TBC1D9: variants seen among roughly 807,000 people sequenced by gnomAD.
TBC1D9 encodes the protein TBC1 domain family member 9A.
TBC1D9 carries 63 observed loss-of-function variants against 132.0 expected under a neutral mutation model. The ratio of observed to expected loss-of-function variants is 0.48; its 90% CI spans 0.39 to 0.59. The LOEUF is 0.59. Ranked by LOEUF, TBC1D9 falls within the 20% of genes least tolerant of loss-of-function variation. The pLI is 0.00. For synonymous variants in TBC1D9, 610 were observed against 609.9 expected (o/e 1.00, Z 0.00); for missense variants, 1,261 against 1,592.7 (o/e 0.79, Z 3.54).
chr4:140,709,805 CA>C (rs1738210364), intron 1 of TBC1D9, among the ~76,000 whole-genome samples: 1 of 152,182 alleles, frequency 6.6e-6, no homozygotes, highest in South Asian at 2.1e-4. Context: ...AAGGAGCTTG[CA>C]ACCTAGATCC....
At chr4:140,744,157 T>C (rs1201591237) in intron 1 of TBC1D9, among the ~76,000 whole-genome samples, 1 of 152,072 alleles carries the variant, frequency 6.6e-6, no homozygotes, top group East Asian at 1.9e-4. Flanking sequence ...GCAAGCAAAA[T>C]CTGCTTTTGT....
intron 1 of TBC1D9, among the ~76,000 whole-genome samples, chr4:140,712,787 A>AG (rs58953273): frequency 2.7e-5 from 4 of 150,516 alleles, no homozygotes; most frequent in Middle Eastern, 3.4e-3. Flanking sequence ...ATAGATAGAT[A>AG]AATGGGATCC....
chr4:140,660,170 C>T (rs574864675), intron 10 of TBC1D9, among the ~76,000 whole-genome samples: 1 of 152,168 alleles, frequency 6.6e-6, no homozygotes, highest in Admixed American at 6.5e-5. Context: ...GAGAGAACAA[C>T]GAAACCTTTC....
chr4:140,651,678 A>G (rs1424139996), intron 13 of TBC1D9, among the ~76,000 whole-genome samples: 1 of 152,232 alleles, frequency 6.6e-6, no homozygotes, highest in Non-Finnish European at 1.5e-5. Flanking sequence ...TATCTGTTAG[A>G]GATACATTCT....
intron 13 of TBC1D9, chr4:140,643,317 G>C: frequency 7.6e-7 from 1 of 1,321,070 alleles, no homozygotes; most frequent in Non-Finnish European, 1.1e-6. Flanking sequence ...AAGGCTCTCG[G>C]CAGCTTCCTG....
At chr4:140,643,212 TC>T (rs1055307856) in intron 13 of TBC1D9, 1 of 1,377,602 alleles carries the variant, frequency 7.3e-7, no homozygotes, top group Non-Finnish European at 1.0e-6. Context: ...CAGGGCCCGC[TC>T]CGCACCTCCC....
chr4:140,744,879 T>TAAAAAAAAAAAAAAAA (rs34469042), intron 1 of TBC1D9, among the ~76,000 whole-genome samples: 1 of 107,516 alleles, frequency 9.3e-6, no homozygotes, highest in Admixed American at 1.0e-4. Flanking sequence ...CAAGAGTGTT[T>TAAAAAAAAAAAAAAAA]AAAAAAAAAA....
At chr4:140,655,705 T>A (rs1282910202) in intron 13 of TBC1D9, among the ~76,000 whole-genome samples, 1 of 152,124 alleles carries the variant, frequency 6.6e-6, no homozygotes, top group Non-Finnish European at 1.5e-5. Context: ...TGTTGTGAGA[T>A]AGAGCGGCAG....
intron 1 of TBC1D9, among the ~76,000 whole-genome samples, chr4:140,713,757 A>AAAAC (rs1553972450): frequency 6.6e-6 from 1 of 150,722 alleles, no homozygotes; most frequent in African/African-American, 2.5e-5. Context: ...ATTAAAAAAA[A>AAAAC]AAAACTATAT....
At chr4:140,740,832 A>G (rs1204368981) in intron 1 of TBC1D9, among the ~76,000 whole-genome samples, 4 of 152,234 alleles carry the variant, frequency 2.6e-5, no homozygotes, top group Non-Finnish European at 5.9e-5. Context: ...TTAGATCTCC[A>G]GTGGAGAGTT....
chr4:140,743,437 G>A (rs997961265), intron 1 of TBC1D9, among the ~76,000 whole-genome samples: 1 of 152,206 alleles, frequency 6.6e-6, no homozygotes, highest in South Asian at 2.1e-4. Context: ...ATTAAGCTCA[G>A]AGAGGAAGAG....
chr4:140,637,038 G>A (rs191792401), intron 15 of TBC1D9, among the ~76,000 whole-genome samples: 210 of 152,320 alleles, frequency 1.4e-3, no homozygotes, highest in Non-Finnish European at 2.5e-3. Context: ...AGACCAGAGA[G>A]CGCAGCAGTG....
At chr4:140,644,500 G>T (rs1020464275) in intron 13 of TBC1D9, 2 of 295,648 alleles carry the variant, frequency 6.8e-6, no homozygotes, top group Non-Finnish European at 1.3e-5. Flanking sequence ...GCAGCCAGGC[G>T]GGGGGCTTTC....
At chr4:140,657,408 A>G in intron 12 of TBC1D9, 119 bp downstream of exon 12, 1 of 1,340,060 alleles carries the variant, frequency 7.5e-7, no homozygotes, top group Non-Finnish European at 1.0e-6. Context: ...ATAAATCCTC[A>G]GCCACAGGAA....
rs567062840 is a variant in TBC1D9, at chr4:140,672,886, C to T, written c.1060-1960G>A. 3.9e-5 allele frequency among the ~76,000 whole-genome samples: 6 copies of T among 152,230 alleles called. No individual in the cohort carries two copies. In the Middle Eastern group the frequency reaches 0.014, roughly 345 times the overall value. ...TTTATGAATGAAAAAAAAGGCTAGG[C>T]ACGTGGCTCACGCCTGTAATCCCAG... On this transcript the variant is annotated intron_variant, in intron 6 of 20. Transcript: ENST00000442267.
At chr4:140,722,401 C>T (rs978167424) in intron 1 of TBC1D9, among the ~76,000 whole-genome samples, 1 of 152,184 alleles carries the variant, frequency 6.6e-6, no homozygotes, top group Non-Finnish European at 1.5e-5. Context: ...TTAAAGCCAG[C>T]ACCATAAATA....
At chr4:140,732,528 G>A (rs936168802) in intron 1 of TBC1D9, among the ~76,000 whole-genome samples, 3 of 152,178 alleles carry the variant, frequency 2.0e-5, no homozygotes, top group Non-Finnish European at 4.4e-5. Context: ...ACTCACCCAT[G>A]TTCTCCAAGT....
At chr4:140,679,996 A>G (rs1441791388) in intron 3 of TBC1D9, among the ~76,000 whole-genome samples, 153 bp from the exon 4 acceptor site, 1 of 152,098 alleles carries the variant, frequency 6.6e-6, no homozygotes, top group African/African-American at 2.4e-5. Context: ...CCAATTATTG[A>G]GTAGTATTTG....
At chr4:140,737,922 T>C (rs1279077135) in intron 1 of TBC1D9, among the ~76,000 whole-genome samples, 1 of 152,194 alleles carries the variant, frequency 6.6e-6, no homozygotes, top group Non-Finnish European at 1.5e-5. Context: ...ACCAATCTTG[T>C]ATATAATCTC....
Sources: gnomAD v4.1 joint callset for allele counts (sites outside exome capture counted in the v4.1 genomes callset) on GRCh38, gnomAD v4.1.1 for gene constraint, MANE v1.5 for transcripts, NCBI Gene and HGNC (gene_info 2026-07-23, HGNC 2026-07-21) for gene names.